Variants in TLN2 observed in about 807,000 individuals in gnomAD.
TLN2 encodes the protein talin-2.
A neutral mutation model predicts 294.7 loss-of-function variants in TLN2; 118 were observed. The observed-to-expected ratio is 0.40, with a 90% CI of 0.34 to 0.47. The LOEUF (loss-of-function observed/expected upper bound fraction) is 0.47. Ranked by LOEUF, TLN2 falls within the 20% of genes least tolerant of loss-of-function variation. The probability of loss-of-function intolerance (pLI) is 0.84; values close to 1 mark genes in which losing one functional copy is unlikely to be tolerated. For missense variants in TLN2, 3,083 were observed against 3,282.2 expected (o/e 0.94, Z 1.48); for synonymous variants, 1,431 against 1,304.5 (o/e 1.10, Z -2.09).
At chr15:62,749,956 T>A (rs1202241683) in intron 33 of TLN2, among the ~76,000 whole-genome samples, 1 of 152,214 alleles carries the variant, frequency 6.6e-6, no homozygotes, top group Non-Finnish European at 1.5e-5. Flanking sequence ...GCCTTCCTAT[T>A]AAAATGTTCC....
chr15:62,508,518 G>A (rs1175927143), intron 1 of TLN2, among the ~76,000 whole-genome samples: 2 of 152,146 alleles, frequency 1.3e-5, no homozygotes, highest in African/African-American at 4.8e-5. Flanking sequence ...CCCGGCCAAA[G>A]CCCTATAGAT....
At position 62,796,129 on chromosome 15, in the gene TLN2, C is replaced by A. The variant is rs762971303; in HGVS notation, c.5886C>A (p.Val1962=). Residue 1962 remains valine (V), a splice_region_variant and synonymous_variant, in exon 47 of 59, where the codon GTC becomes GTA. Transcript: ENST00000636159. The stretch of plus-strand genomic sequence containing the variant: ...TCACATTCCCTTTCTGCCTACAGGT[C>A]TCCTTGGTGCTCTCGGCTCTCCAGG... ...IECARAVTEK[V]SLVLSALQAG... is the part of the protein sequence containing the mutation. 96 of 1,613,774 alleles carry A rather than the reference C, an allele frequency of 5.9e-5. No individual in the cohort carries two copies. Among genetic ancestry groups the A allele is most frequent in the Non-Finnish European group, 7.9e-5 (93 of 1,179,896 alleles).
chr15:62,612,112 C>T (rs759181050), intron 2 of TLN2, among the ~76,000 whole-genome samples: 13 of 152,144 alleles, frequency 8.5e-5, no homozygotes, highest in Non-Finnish European at 1.9e-4. Context: ...TACCTGCCCA[C>T]CTCAGCTTAG....
intron 17 of TLN2, among the ~76,000 whole-genome samples, chr15:62,701,481 G>A (rs2058717159): frequency 6.6e-6 from 1 of 152,132 alleles, no homozygotes; most frequent in African/African-American, 2.4e-5. Context: ...CAGTGTGCCG[G>A]ACATACTGCA....
chr15:62,428,535 A>G (rs979952308), intron 1 of TLN2, among the ~76,000 whole-genome samples: 2 of 152,246 alleles, frequency 1.3e-5, no homozygotes, highest in African/African-American at 4.8e-5. Context: ...CGCCCGGCCT[A>G]TTAAAGCCAA....
At position 62,449,437 on chromosome 15, in the gene TLN2, G is replaced by A. The variant is rs113614949; in HGVS notation, c.-238+58752G>A. 3.8e-3 allele frequency among the ~76,000 whole-genome samples: 579 copies of A among 152,154 alleles called. 5 individuals are homozygous for A. Among genetic ancestry groups the A allele is most frequent in the African/African-American group, 0.013 (544 of 41,496 alleles). On this transcript the variant is annotated intron_variant, in intron 1 of 58. Transcript: ENST00000636159. ...CCAGTAGATGAGCTAGCTGGCAGAG[G>A]GCAGGAAAGTTTACACATTCCTGTG...
chr15:62,586,649 T>C (rs952308580), intron 1 of TLN2, among the ~76,000 whole-genome samples: 1 of 152,260 alleles, frequency 6.6e-6, no homozygotes, highest in African/African-American at 2.4e-5. Context: ...ATTTCATATA[T>C]AAATATAACC....
intron 25 of TLN2, among the ~76,000 whole-genome samples, 177 bp from the exon 26 acceptor site, chr15:62,722,176 T>C (rs2060188926): frequency 6.6e-6 from 1 of 152,198 alleles, no homozygotes; most frequent in Non-Finnish European, 1.5e-5. Context: ...TAGAAGGTAC[T>C]GCCCTAGAGT....
Position 62,444,307 on chromosome 15 carries a change from C to T in TLN2, c.-238+53622C>T, listed in dbSNP as rs571215730. On this transcript the variant is annotated intron_variant, in intron 1 of 58. Coordinates refer to ENST00000636159, the MANE Select transcript of TLN2 (RefSeq NM_015059.3). ...CTGGTCTCCATGGAGGTGACAAATC[C>T]CATGTGGACCATATCTTCAGATGAC... 7.2e-5 allele frequency among the ~76,000 whole-genome samples: 11 copies of T among 152,262 alleles called. No individual in the cohort carries two copies. In the East Asian group the frequency reaches 1.9e-3, roughly 27 times the overall value.
At chr15:62,476,691 G>C (rs1444221292) in intron 1 of TLN2, among the ~76,000 whole-genome samples, 1 of 152,170 alleles carries the variant, frequency 6.6e-6, no homozygotes, top group Non-Finnish European at 1.5e-5. Flanking sequence ...GGCAGTTAGG[G>C]GAGTTTTGAC....
chr15:62,805,555 C>T (rs568697210), intron 50 of TLN2, 45 bp from the exon 51 acceptor site: 73 of 1,523,586 alleles, frequency 4.8e-5, no homozygotes, highest in Admixed American at 2.0e-4. Context: ...TTATTTTTTT[C>T]GTTTCCTTTT....
At chr15:62,590,349 C>T (rs1298803884) in intron 2 of TLN2, among the ~76,000 whole-genome samples, 1 of 152,120 alleles carries the variant, frequency 6.6e-6, no homozygotes, top group East Asian at 1.9e-4. Flanking sequence ...GTGTTGTTCT[C>T]CTCTCTTCCC....
chr15:62,491,095 G>A (rs536164601), intron 1 of TLN2, among the ~76,000 whole-genome samples: 1 of 152,192 alleles, frequency 6.6e-6, no homozygotes, highest in East Asian at 1.9e-4. Context: ...GCCGAGGCAG[G>A]CAGATCACCT....
intron 7 of TLN2, 41 bp from the exon 8 acceptor site, chr15:62,655,903 A>G (rs762508450): frequency 6.2e-7 from 1 of 1,607,168 alleles, no homozygotes; most frequent in Non-Finnish European, 8.5e-7. Flanking sequence ...ATTAACAGGA[A>G]AAATAAACAC....
At position 62,564,134 on chromosome 15, in the gene TLN2, G is replaced by C. The variant is rs536353613; in HGVS notation, c.-237-25553G>C. On this transcript the variant is annotated intron_variant, in intron 1 of 58. Coordinates refer to ENST00000636159, the MANE Select transcript of TLN2 (RefSeq NM_015059.3). The stretch of plus-strand genomic sequence containing the variant: ...TGTCCTAATATAGTCAAAGTTTGGG[G>C]CTCTGCACTGTGCAACTCTGTTTTA... 5.9e-5 allele frequency among the ~76,000 whole-genome samples: 9 copies of C among 152,262 alleles called. No homozygotes were observed. The South Asian group carries it at 1.9e-3, about 32-fold the overall frequency.
chr15:62,632,515 G>A (rs2049999913), intron 3 of TLN2, among the ~76,000 whole-genome samples: 2 of 152,200 alleles, frequency 1.3e-5, no homozygotes, highest in South Asian at 4.1e-4. Flanking sequence ...GGGCAAGGCA[G>A]GACTCCTCTC....
At chr15:62,776,738 G>T (rs1395974522) in intron 42 of TLN2, 26 bp from the exon 43 acceptor site, 1 of 1,473,566 alleles carries the variant, frequency 6.8e-7, no homozygotes, top group Admixed American at 2.3e-5. Context: ...TCTGCTTAAG[G>T]AAATGTTTCA....
Position 62,792,628 on chromosome 15 carries a change from C to G in TLN2, c.5737-13C>G, listed in dbSNP as rs751722732. 1 of 1,611,436 alleles carries G rather than the reference C, an allele frequency of 6.2e-7. No individual in the cohort carries two copies. Reference sequence around the variant, plus strand: ...CACGCTTCTCCTTCCCCATCCTGGGCTTGCCTCTGCAGATCGGATTCCAGA... The same window carrying G: ...CACGCTTCTCCTTCCCCATCCTGGGGTTGCCTCTGCAGATCGGATTCCAGA... On this transcript the variant is annotated splice_polypyrimidine_tract_variant and intron_variant, in intron 45 of 58. Coordinates refer to ENST00000636159, the MANE Select transcript of TLN2 (RefSeq NM_015059.3).
chr15:62,455,382 A>T (rs181856315), intron 1 of TLN2, among the ~76,000 whole-genome samples: 82 of 152,224 alleles, frequency 5.4e-4, no homozygotes, highest in African/African-American at 1.9e-3. Context: ...GGTGTTCGGG[A>T]TGGGAGAGAC....
Sources: gnomAD v4.1 joint callset for allele counts (sites outside exome capture counted in the v4.1 genomes callset) on GRCh38, gnomAD v4.1.1 for gene constraint, MANE v1.5 for transcripts, NCBI Gene and HGNC (gene_info 2026-07-23, HGNC 2026-07-21) for gene names.